MSL3B: variants seen among roughly 807,000 people sequenced by gnomAD.
MSL3B encodes MSL complex subunit 3 pseudogene 1.
At chr2:233,868,197 CT>C in the MSL3B span, 23 of 457,506 alleles carry the variant, frequency 5.0e-5, no homozygotes, top group East Asian at 2.1e-4. Context: ...ATCTTTCTGC[CT>C]TTTTCGCCTT....
chr2:233,866,673 C>CGGCTTTGCGCCTT, the MSL3B span: 4 of 788,610 alleles, frequency 5.1e-6, no homozygotes, highest in Admixed American at 1.7e-5. Context: ...GCTTGCGGCT[C>CGGCTTTGCGCCTT]GGCTTTGCGC....
chr2:233,866,770 G>A, the MSL3B span: 1 of 811,688 alleles, frequency 1.2e-6, no homozygotes, highest in African/African-American at 1.7e-5. Flanking sequence ...AGCTGGGAGA[G>A]AGCTTCTCCT....
the MSL3B span, chr2:233,866,548 G>C: frequency 2.0e-6 from 2 of 993,046 alleles, no homozygotes; most frequent in Non-Finnish European, 3.2e-6. Flanking sequence ...GGAACAGCTT[G>C]GGCACACTGG....
At chr2:233,866,834 G>A in the MSL3B span, 9 of 1,050,450 alleles carry the variant, frequency 8.6e-6, no homozygotes, top group Admixed American at 1.5e-4. Flanking sequence ...AACCTTAGAT[G>A]CAGTCACCTT....
the MSL3B span, chr2:233,865,403 C>A: frequency 6.6e-6 from 1 of 151,956 alleles, no homozygotes; most frequent in Admixed American, 6.6e-5. Context: ...ATATTCCAAT[C>A]GTCATTATAT....
chr2:233,867,720 C>T, the MSL3B span, among the ~76,000 whole-genome samples: 9 of 151,550 alleles, frequency 5.9e-5, no homozygotes, highest in Non-Finnish European at 8.8e-5. Flanking sequence ...TCAAGTGATC[C>T]GCCCACCTCG....
chr2:233,866,083 C>G, the MSL3B span: 1 of 486,922 alleles, frequency 2.1e-6, no homozygotes, highest in Non-Finnish European at 4.0e-6. Flanking sequence ...ACCTGGAACT[C>G]AGAACACCAT....
chr2:233,866,018 G>C, the MSL3B span: 1 of 385,644 alleles, frequency 2.6e-6, no homozygotes, highest in South Asian at 2.1e-5. Context: ...AAAGCCCCCT[G>C]GTGGGCACTT....
the MSL3B span, among the ~76,000 whole-genome samples, chr2:233,864,942 A>G: frequency 6.6e-6 from 1 of 152,196 alleles, no homozygotes; most frequent in Non-Finnish European, 1.5e-5. Flanking sequence ...TTTTGCTCAA[A>G]TTAACTAACC....
At chr2:233,867,935 C>T in the MSL3B span, among the ~76,000 whole-genome samples, 1 of 151,812 alleles carries the variant, frequency 6.6e-6, no homozygotes, top group East Asian at 1.9e-4. Flanking sequence ...GGATTACAGG[C>T]GCCCGCCACC....
chr2:233,865,383 G>GCATT, the MSL3B span: 1 of 151,958 alleles, frequency 6.6e-6, no homozygotes, highest in East Asian at 1.9e-4. Flanking sequence ...TGAATACGTA[G>GCATT]CATTCTCTTA....
the MSL3B span, chr2:233,868,292 G>C: frequency 1.1e-5 from 3 of 277,454 alleles, no homozygotes; most frequent in South Asian, 4.3e-5. Flanking sequence ...CAGGCTGCAC[G>C]GCAGGGGAGA....
the MSL3B span, chr2:233,865,512 C>T: frequency 6.6e-6 from 1 of 152,054 alleles, no homozygotes; most frequent in African/African-American, 2.4e-5. Context: ...CGTAACATTA[C>T]ACAAAAAAGT....
At chr2:233,867,359 A>G in the MSL3B span, 1 of 603,498 alleles carries the variant, frequency 1.7e-6, no homozygotes, top group Admixed American at 2.8e-5. Context: ...GCCTTTTAAA[A>G]AAAGACAGAG....
chr2:233,867,514 T>C, the MSL3B span: 2 of 308,482 alleles, frequency 6.5e-6, no homozygotes, highest in Non-Finnish European at 1.2e-5. Context: ...TCGGTATTGT[T>C]GCCCAGGATG....
the MSL3B span, chr2:233,865,521 G>C: frequency 6.6e-6 from 1 of 152,058 alleles, no homozygotes; most frequent in Admixed American, 6.5e-5. Context: ...ACACAAAAAA[G>C]TATAGCTGTA....
chr2:233,866,460 C>G, the MSL3B span: 3 of 1,268,254 alleles, frequency 2.4e-6, no homozygotes, highest in Non-Finnish European at 3.5e-6. Context: ...CCAGCAAACA[C>G]AGGACTCCCT....
chr2:233,866,632 G>A, the MSL3B span: 2 of 797,958 alleles, frequency 2.5e-6, no homozygotes, highest in African/African-American at 1.7e-5. Flanking sequence ...AGTTGGCGGT[G>A]TGGGGCGAGG....
the MSL3B span, chr2:233,866,476 G>T: frequency 7.8e-7 from 1 of 1,274,198 alleles, no homozygotes; most frequent in South Asian, 1.2e-5. Flanking sequence ...TCCCTTCCTG[G>T]CTAGGAGTCA....
Sources: gnomAD v4.1 joint callset for allele counts (sites outside exome capture counted in the v4.1 genomes callset) on GRCh38, gnomAD v4.1.1 for gene constraint, MANE v1.5 for transcripts, NCBI Gene and HGNC (gene_info 2026-07-23, HGNC 2026-07-21) for gene names.